GRIN2B: variants seen among roughly 807,000 people sequenced by gnomAD.
GRIN2B encodes glutamate receptor ionotropic, NMDA 2B.
GRIN2B carries 5 observed loss-of-function variants against 114.5 expected under a neutral mutation model. The ratio of observed to expected loss-of-function variants is 0.04; its 90% CI spans 0.02 to 0.09. The LOEUF (loss-of-function observed/expected upper bound fraction) is 0.09. GRIN2B is among the 10% of genes least tolerant of loss of function. The pLI is 1.00. For synonymous variants in GRIN2B, 787 were observed against 745.1 expected (o/e 1.06, Z -0.92); for missense variants, 1,108 against 1,943.5 (o/e 0.57, Z 8.08).
intron 2 of GRIN2B, among the ~76,000 whole-genome samples, chr12:13,971,694 C>T (rs1414598466): frequency 2.6e-5 from 4 of 152,026 alleles, no homozygotes; most frequent in East Asian, 1.9e-4. Context: ...GTTTTTTCTC[C>T]GAAACAAGAA....
intron 3 of GRIN2B, among the ~76,000 whole-genome samples, chr12:13,819,268 T>G (rs1357597405): frequency 6.6e-6 from 1 of 152,180 alleles, no homozygotes; most frequent in African/African-American, 2.4e-5. Context: ...ACCTTGATCT[T>G]GCACTTCTAG....
chr12:13,928,182 G>A lies in GRIN2B; in HGVS notation c.-19+51746C>T, dbSNP rs564144966. Among the ~76,000 whole-genome samples, 9 of 151,106 alleles carry A rather than the reference G, an allele frequency of 6.0e-5. No homozygotes were observed. The South Asian group carries it at 6.3e-4, about 11-fold the overall frequency. ...AAAAATTTGCCAGGCGTGGTGGCAC[G>A]CACCTGCAATCCCAGCTACTTGGGA... On this transcript the variant is annotated intron_variant, in intron 2 of 13. Coordinates refer to ENST00000609686, the MANE Select transcript of GRIN2B (RefSeq NM_000834.5).
At chr12:13,871,543 A>T (rs893557065) in intron 2 of GRIN2B, among the ~76,000 whole-genome samples, 6 of 151,974 alleles carry the variant, frequency 3.9e-5, no homozygotes, top group Non-Finnish European at 7.4e-5. Flanking sequence ...AAATACATTT[A>T]TAAGAAACCA....
chr12:13,934,134 A>G (rs1867086738), intron 2 of GRIN2B, among the ~76,000 whole-genome samples: 2 of 152,168 alleles, frequency 1.3e-5, no homozygotes, highest in African/African-American at 2.4e-5. Flanking sequence ...TTAATTCACT[A>G]GCTAATCTTG....
At chr12:13,643,171 A>G (rs541898758) in intron 5 of GRIN2B, among the ~76,000 whole-genome samples, 1 of 152,262 alleles carries the variant, frequency 6.6e-6, no homozygotes, top group African/African-American at 2.4e-5. Flanking sequence ...GGATACTTGA[A>G]TCTGAGTCTG....
At chr12:13,958,737 C>A (rs1867638875) in intron 2 of GRIN2B, among the ~76,000 whole-genome samples, 1 of 152,158 alleles carries the variant, frequency 6.6e-6, no homozygotes, top group African/African-American at 2.4e-5. Context: ...TCCTTCTCCT[C>A]TTTCTCCTTC....
At chr12:13,744,961 T>C (rs1863351434) in intron 4 of GRIN2B, among the ~76,000 whole-genome samples, 1 of 152,200 alleles carries the variant, frequency 6.6e-6, no homozygotes, top group Non-Finnish European at 1.5e-5. Flanking sequence ...CTAAATGCCC[T>C]GCTTCTTCCA....
chr12:13,815,729 T>C (rs972711751), intron 3 of GRIN2B, among the ~76,000 whole-genome samples: 2 of 152,230 alleles, frequency 1.3e-5, no homozygotes, highest in Non-Finnish European at 2.9e-5. Context: ...AAGCTCATTA[T>C]GCCTAACTTT....
chr12:13,653,754 C>T (rs184541202), intron 5 of GRIN2B, among the ~76,000 whole-genome samples: 14 of 152,200 alleles, frequency 9.2e-5, no homozygotes, highest in Non-Finnish European at 1.8e-4. Flanking sequence ...CTTTCATTCT[C>T]TTCAAGTGTA....
intron 13 of GRIN2B, 121 bp downstream of exon 13, chr12:13,566,904 G>A (rs1327604926): frequency 2.6e-6 from 2 of 767,414 alleles, no homozygotes; most frequent in Non-Finnish European, 4.8e-6. Flanking sequence ...CATACATGAT[G>A]TGGTTTCTTG....
chr12:13,793,164 T>A (rs529110918), intron 3 of GRIN2B, among the ~76,000 whole-genome samples: 2 of 152,210 alleles, frequency 1.3e-5, no homozygotes, highest in Non-Finnish European at 2.9e-5. Context: ...CCCAGCACTT[T>A]GGGAGGCCGA....
At chr12:13,699,401 T>C (rs1049129998) in intron 4 of GRIN2B, among the ~76,000 whole-genome samples, 4 of 152,058 alleles carry the variant, frequency 2.6e-5, no homozygotes, top group Non-Finnish European at 4.4e-5. Flanking sequence ...GTATTACAAA[T>C]AGTATAAGAA....
At chr12:13,604,902 T>C (rs1949216023) in intron 10 of GRIN2B, among the ~76,000 whole-genome samples, 1 of 152,202 alleles carries the variant, frequency 6.6e-6, no homozygotes, top group Admixed American at 6.5e-5. Flanking sequence ...ACTTTACTGT[T>C]TTGTCATCTG....
At chr12:13,583,992 G>T (rs558460475) in intron 10 of GRIN2B, among the ~76,000 whole-genome samples, 1 of 152,128 alleles carries the variant, frequency 6.6e-6, no homozygotes, top group Non-Finnish European at 1.5e-5. Flanking sequence ...ATTTTCAGAG[G>T]GAAAATAATG....
intron 3 of GRIN2B, among the ~76,000 whole-genome samples, chr12:13,783,080 C>A (rs1358713644): frequency 6.6e-6 from 1 of 152,108 alleles, no homozygotes; most frequent in Admixed American, 6.6e-5. Flanking sequence ...ATAATTTATA[C>A]ACTTAATGTC....
chr12:13,650,643 C>A (rs1204299165), intron 5 of GRIN2B, among the ~76,000 whole-genome samples: 2 of 152,066 alleles, frequency 1.3e-5, no homozygotes, highest in Non-Finnish European at 2.9e-5. Context: ...AGTTCAGTAA[C>A]TCCTAATCCA....
intron 5 of GRIN2B, among the ~76,000 whole-genome samples, chr12:13,669,096 G>A (rs1198898556): frequency 6.6e-6 from 1 of 151,942 alleles, no homozygotes; most frequent in Non-Finnish European, 1.5e-5. Context: ...ACATTACAGA[G>A]AGACAAGGAC....
At chr12:13,949,242 A>G (rs1252611375) in intron 2 of GRIN2B, among the ~76,000 whole-genome samples, 1 of 152,192 alleles carries the variant, frequency 6.6e-6, no homozygotes, top group Non-Finnish European at 1.5e-5. Flanking sequence ...GACAGCAAGC[A>G]AACCTCAGCT....
At chr12:13,919,593 G>A (rs531738646) in intron 2 of GRIN2B, among the ~76,000 whole-genome samples, 5 of 152,148 alleles carry the variant, frequency 3.3e-5, no homozygotes, top group Non-Finnish European at 7.4e-5. Flanking sequence ...CAAATGCCAC[G>A]TGATGCAGTC....
Sources: gnomAD v4.1 joint callset for allele counts (sites outside exome capture counted in the v4.1 genomes callset) on GRCh38, gnomAD v4.1.1 for gene constraint, MANE v1.5 for transcripts, NCBI Gene and HGNC (gene_info 2026-07-23, HGNC 2026-07-21) for gene names.